TRIM37: variants seen among roughly 807,000 people sequenced by gnomAD.
TRIM37 encodes the protein tripartite motif containing 37, also known as E3 ubiquitin-protein ligase TRIM37.
TRIM37 carries 80 observed loss-of-function variants against 129.8 expected under a neutral mutation model. The observed-to-expected ratio is 0.62, with a 90% CI of 0.51 to 0.74. TRIM37 has a LOEUF of 0.74. Among genes scored for constraint, TRIM37 ranks in the 30% least tolerant of loss-of-function variants. The probability of loss-of-function intolerance (pLI) is 0.00; values close to 1 mark genes in which losing one functional copy is unlikely to be tolerated. For synonymous variants in TRIM37, 389 were observed against 387.1 expected (o/e 1.00, Z -0.06); for missense variants, 1,054 against 1,176.5 (o/e 0.90, Z 1.52).
intron 5 of TRIM37, among the ~76,000 whole-genome samples, chr17:59,081,937 CAAAAAAA>C (rs1157296161): frequency 6.1e-5 from 3 of 48,924 alleles, no homozygotes; most frequent in African/African-American, 8.5e-5. Context: ...TAATAAAAAC[CAAAAAAA>C]AAAAAAAATA....
At chr17:59,057,488 G>C (rs8065740) in intron 12 of TRIM37, among the ~76,000 whole-genome samples, 8,736 of 152,202 alleles carry the variant, frequency 0.057, 781 homozygotes, top group African/African-American at 0.19. Flanking sequence ...GATTGCAGGC[G>C]TGAGCCACCA....
intron 24 of TRIM37, among the ~76,000 whole-genome samples, chr17:58,989,305 G>A (rs2032123719): frequency 1.3e-5 from 2 of 152,126 alleles, no homozygotes; most frequent in Admixed American, 6.6e-5. Flanking sequence ...GCGTGGTGGT[G>A]CACACCTGTA....
Position 59,015,662 on chromosome 17 carries a change from C to A in TRIM37, c.2524G>T (p.Val842Phe), listed in dbSNP as rs1171215590. Residue 842 changes from valine (V) to phenylalanine (F), a missense_variant, in exon 21 of 24, where the codon GTT (valine) becomes TTT (phenylalanine). By Grantham distance (50) the Val-to-Phe change is conservative. Transcript: ENST00000262294. Reference protein sequence around the residue: ...ALDSDAVVVAVFSGLPAVEKR... With the variant: ...ALDSDAVVVAFFSGLPAVEKR... ...TCAACCGCAGGCAAGCCACTGAAAA[C>A]TGCAACCACAACAGCATCTGAATCC... The A allele has an allele frequency of 1.9e-6, 3 of 1,614,160 alleles. No homozygotes were observed. The Admixed American group carries it at 5.0e-5, about 27-fold the overall frequency.
At position 58,998,806 on chromosome 17, in the gene TRIM37, A is replaced by G. The variant is rs191255076; in HGVS notation, c.*571T>C. 35 of 988,272 alleles carry G rather than the reference A, an allele frequency of 3.5e-5. No homozygotes were observed. The highest frequency in any genetic ancestry group is 4.0e-5 in the Non-Finnish European group (33 of 831,654). 61.2% of individuals were successfully genotyped at this position (988,272 alleles called of 1,614,324 possible). A position where few individuals can be genotyped will look rare whatever the true frequency, so the allele number is the denominator to read the frequency against. ...GGTTGAACAGTGTGCCTGTACTTGAACAAGTGAGAGAAGATACATACTCCA... is the reference window on the plus strand; with the variant it reads ...GGTTGAACAGTGTGCCTGTACTTGAGCAAGTGAGAGAAGATACATACTCCA... On this transcript the variant is annotated 3_prime_UTR_variant, in exon 24 of 24. Coordinates refer to ENST00000262294, the MANE Select transcript of TRIM37 (RefSeq NM_015294.6).
chr17:59,103,079 G>A (rs895043684), intron 2 of TRIM37, among the ~76,000 whole-genome samples: 1 of 151,958 alleles, frequency 6.6e-6, no homozygotes, highest in African/African-American at 2.4e-5. Context: ...CACCATATTG[G>A]TCAGGATGGT....
the TRIM37 span, among the ~76,000 whole-genome samples, chr17:58,967,500 A>ATG: frequency 1.4e-4 from 21 of 150,042 alleles, no homozygotes; most frequent in Non-Finnish European, 2.8e-4. Context: ...ATTTATATAT[A>ATG]TGTGTATATA....
chr17:59,079,724 G>A (rs544974238), intron 7 of TRIM37, 30 bp downstream of exon 7: 3 of 1,613,262 alleles, frequency 1.9e-6, no homozygotes, highest in African/African-American at 1.3e-5. Context: ...GAAAGCACCA[G>A]GTACCCCAGC....
chr17:59,104,238 T>A, intron 2 of TRIM37, 55 bp downstream of exon 2: 1 of 1,503,526 alleles, frequency 6.7e-7, no homozygotes, highest in Admixed American at 1.7e-5. Flanking sequence ...AAATGGTTAA[T>A]CCTTACAATA....
Position 58,998,488 on chromosome 17 carries a change from T to G in TRIM37, c.*889A>C, listed in dbSNP as rs1425190121. 2.0e-6 allele frequency: 2 copies of G among 985,314 alleles called. No individual in the cohort carries two copies. Among genetic ancestry groups the G allele is most frequent in the African/African-American group, 3.5e-5 (2 of 57,250 alleles). The allele number at this position is 985,314 out of a possible 1,614,324, so 61.0% of individuals were successfully genotyped here. ...AACTGTTTTGGGCTAATTATGAGTA[T>G]GAAAGAAAACCTTATATCACAGTTT... On this transcript the variant is annotated 3_prime_UTR_variant, in exon 24 of 24. Coordinates refer to ENST00000262294, the MANE Select transcript of TRIM37 (RefSeq NM_015294.6).
Position 58,999,460 on chromosome 17 carries a change from C to G in TRIM37, c.2813-1G>C, listed in dbSNP as rs1373723276. On this transcript the variant is annotated splice_acceptor_variant, in intron 23 of 23. Coordinates refer to ENST00000262294, the MANE Select transcript of TRIM37 (RefSeq NM_015294.6). LOFTEE classifies it high-confidence loss of function. ...CCATCAGGAAAACTGGAATGTGTAT[C>G]TATGATTAAAAAATAAATAAAAAAT... 1.2e-6 allele frequency: 2 copies of G among 1,604,400 alleles called. No individual in the cohort carries two copies. The highest frequency in any genetic ancestry group is 3.4e-5 in the Admixed American group (2 of 59,502).
At chr17:59,044,752 C>T (rs1172138211) in intron 16 of TRIM37, among the ~76,000 whole-genome samples, 1 of 152,078 alleles carries the variant, frequency 6.6e-6, no homozygotes, top group East Asian at 1.9e-4. Context: ...AACTACTCTG[C>T]CATTTTATAT....
intron 24 of TRIM37, among the ~76,000 whole-genome samples, chr17:58,992,337 A>G (rs1337969074): frequency 6.8e-6 from 1 of 146,490 alleles, no homozygotes; most frequent in Non-Finnish European, 1.5e-5. Flanking sequence ...ATATATATAT[A>G]TATATAAATA....
intron 22 of TRIM37, among the ~76,000 whole-genome samples, chr17:59,011,184 A>AG (rs1011394481): frequency 3.9e-5 from 6 of 151,922 alleles, no homozygotes; most frequent in African/African-American, 1.4e-4. Context: ...AAAAAAAAAA[A>AG]CAACAGAAAA....
chr17:59,056,106 T>G (rs2040842980), intron 13 of TRIM37, among the ~76,000 whole-genome samples: 1 of 152,162 alleles, frequency 6.6e-6, no homozygotes, highest in South Asian at 2.1e-4. Context: ...ACTTTATCCC[T>G]CACTATTCTT....
rs956657449 is a variant in TRIM37 at position 58,999,437 on chromosome 17, A to G, written c.2835T>C (p.Asp945=). The change falls in exon 24 of 24, where the codon GAT becomes GAC. Residue 945 remains aspartate (D), a synonymous_variant. Coordinates refer to ENST00000262294, the MANE Select transcript of TRIM37 (RefSeq NM_015294.6). Reference sequence around the variant, plus strand: ...GATCTTCAGGGCCTATTTGTTCACCATCAGGAAAACTGGAATGTGTATCTA... The same window carrying G: ...GATCTTCAGGGCCTATTTGTTCACCGTCAGGAAAACTGGAATGTGTATCTA... ...PDEDTHSSFP[D]GEQIGPEDLS... 20 of 1,613,432 alleles carry G rather than the reference A, an allele frequency of 1.2e-5. No homozygotes were observed. Among genetic ancestry groups the G allele is most frequent in the Non-Finnish European group, 1.7e-5 (20 of 1,179,756 alleles).
rs1444390119 is a variant in TRIM37 at position 59,015,802 on chromosome 17, T to A, written c.2387-3A>T. 2.5e-6 allele frequency: 4 copies of A among 1,611,996 alleles called. No individual in the cohort carries two copies. Among genetic ancestry groups the A allele is most frequent in the Non-Finnish European group, 3.4e-6 (4 of 1,179,678 alleles). Reference sequence around the variant, plus strand: ...AGACTGAGAGCTTCCTGGGGAGCCTTCAAAAAAAGGAAGATGGAATACAAA... The same window carrying A: ...AGACTGAGAGCTTCCTGGGGAGCCTACAAAAAAAGGAAGATGGAATACAAA... On this transcript the variant is annotated splice_polypyrimidine_tract_variant and splice_region_variant and intron_variant, in intron 20 of 23. Transcript: ENST00000262294.
intron 2 of TRIM37, among the ~76,000 whole-genome samples, chr17:59,099,138 G>A (rs184160964): frequency 3.9e-5 from 6 of 152,148 alleles, no homozygotes; most frequent in East Asian, 1.9e-4. Flanking sequence ...AGCCGAGATC[G>A]CACGATTGCA....
At position 59,000,979 on chromosome 17, in the gene TRIM37, G is replaced by C. The variant is rs560229416; in HGVS notation, c.2812+619C>G. ...GGAGGCCAAGGCAGGTGGATCACGA[G>C]GTCAAGAGTTCGAGACCAGCCTGGC... is the stretch of plus-strand genomic sequence containing the variant. On this transcript the variant is annotated intron_variant, in intron 23 of 23. Transcript: ENST00000262294. Among the ~76,000 whole-genome samples the C allele has an allele frequency of 3.0e-4, 45 of 152,154 alleles. 1 individual carries two copies. The Middle Eastern group carries it at 0.01, about 35-fold the overall frequency.
intron 13 of TRIM37, among the ~76,000 whole-genome samples, chr17:59,052,972 C>CAAATCAAATG (rs1228924405): frequency 9.9e-5 from 15 of 151,544 alleles, no homozygotes; most frequent in Non-Finnish European, 2.1e-4. Flanking sequence ...CAAATCAAAT[C>CAAATCAAATG]AAATCAAATC....
Sources: allele counts gnomAD v4.1 joint callset (sites outside exome capture counted in the v4.1 genomes callset), GRCh38; gene constraint gnomAD v4.1.1; transcripts MANE v1.5; gene names NCBI Gene and HGNC (gene_info 2026-07-23, HGNC 2026-07-21).